The following BASP1 variants were observed in gnomAD, a reference collection of about 807,000 sequenced individuals.
BASP1 encodes brain acid soluble protein 1.
Under a neutral mutation model 2.2 loss-of-function variants are expected in BASP1, and 1 was observed. The observed-to-expected ratio is 0.46, with a 90% CI of 0.16 to 2.17. BASP1 has a LOEUF of 2.17. Ranked by LOEUF, BASP1 falls within the 30% of genes most tolerant of loss-of-function variation. The pLI is 0.27. For missense variants in BASP1, 352 were observed against 327.2 expected (o/e 1.08, Z -0.58); for synonymous variants, 187 against 154.2 (o/e 1.21, Z -1.58).
rs556178730 is a variant in BASP1, at chr5:17,266,402, T to G, written c.-9-8806T>G. ...TGCTCTGTTCTGTCTCCCTCCCTCC[T>G]TATTTCATTCTCACTCTTGCTCTTG... On this transcript the variant is annotated intron_variant, in intron 1 of 1. Coordinates refer to ENST00000322611, the MANE Select transcript of BASP1 (RefSeq NM_006317.5). Among the ~76,000 whole-genome samples, 13 of 152,298 alleles carry G rather than the reference T, an allele frequency of 8.5e-5. No individual in the cohort carries two copies. In the South Asian group the frequency reaches 2.7e-3, roughly 32 times the overall value.
intron 1 of BASP1, among the ~76,000 whole-genome samples, chr5:17,247,637 T>C (rs1287425116): frequency 2.6e-5 from 4 of 152,226 alleles, no homozygotes; most frequent in Non-Finnish European, 5.9e-5. Context: ...ATGTGGCCTA[T>C]AAAGTTCCTG....
At chr5:17,246,790 G>A (rs562599231) in intron 1 of BASP1, among the ~76,000 whole-genome samples, 125 of 152,246 alleles carry the variant, frequency 8.2e-4, no homozygotes, top group Non-Finnish European at 1.5e-3. Flanking sequence ...AAGTCTTTTT[G>A]AAAATAGCAT....
intron 1 of BASP1, among the ~76,000 whole-genome samples, chr5:17,231,530 CA>C (rs1337721034): frequency 6.6e-6 from 1 of 152,206 alleles, no homozygotes; most frequent in Non-Finnish European, 1.5e-5. Context: ...CGTTCCTACA[CA>C]CTCTCTCACC....
chr5:17,255,248 G>A (rs1430812303), intron 1 of BASP1, among the ~76,000 whole-genome samples: 1 of 152,140 alleles, frequency 6.6e-6, no homozygotes, highest in Admixed American at 6.5e-5. Context: ...AGATGTGAGG[G>A]ACAGGTGTAG....
chr5:17,265,271 T>TG (rs1212101452), intron 1 of BASP1, among the ~76,000 whole-genome samples: 2 of 152,154 alleles, frequency 1.3e-5, no homozygotes, highest in Admixed American at 6.5e-5. Flanking sequence ...AATGGTATAT[T>TG]GGGGGGCTTG....
At chr5:17,272,834 T>C (rs2126522083) in intron 1 of BASP1, among the ~76,000 whole-genome samples, 1 of 152,354 alleles carries the variant, frequency 6.6e-6, no homozygotes. Context: ...GCCTTAACTA[T>C]GTGTCAGAAA....
At chr5:17,231,886 T>C (rs1008878183) in intron 1 of BASP1, among the ~76,000 whole-genome samples, 4 of 152,212 alleles carry the variant, frequency 2.6e-5, no homozygotes, top group African/African-American at 9.7e-5. Context: ...TTGAAGGTTG[T>C]CTACAGTACA....
intron 1 of BASP1, among the ~76,000 whole-genome samples, chr5:17,224,454 G>A (rs1739453341): frequency 7.6e-6 from 1 of 131,932 alleles, no homozygotes; most frequent in Non-Finnish European, 1.6e-5. Flanking sequence ...ACTCTTCAGG[G>A]GGGGAAAAAA....
intron 1 of BASP1, among the ~76,000 whole-genome samples, chr5:17,223,901 C>G (rs1739438552): frequency 6.6e-6 from 1 of 152,232 alleles, no homozygotes; most frequent in South Asian, 2.1e-4. Flanking sequence ...TACCTCCACC[C>G]TGCCCCTGCC....
intron 1 of BASP1, among the ~76,000 whole-genome samples, chr5:17,271,029 A>G (rs1423042566): frequency 1.3e-5 from 2 of 152,098 alleles, no homozygotes; most frequent in Admixed American, 6.5e-5. Flanking sequence ...TCTCTCTACT[A>G]CTGTTTATGG....
intron 1 of BASP1, among the ~76,000 whole-genome samples, chr5:17,238,676 C>G (rs1470509501): frequency 6.6e-6 from 1 of 152,200 alleles, no homozygotes; most frequent in African/African-American, 2.4e-5. Flanking sequence ...AGTTTGTCAT[C>G]TTCTTTTCCA....
intron 1 of BASP1, among the ~76,000 whole-genome samples, chr5:17,229,781 TG>T (rs1368338828): frequency 0.016 from 1,944 of 125,022 alleles, 42 homozygotes; most frequent in Middle Eastern, 0.087. Flanking sequence ...TTGGTAGGAT[TG>T]GGTTTTTTTT....
At chr5:17,241,246 T>C (rs1301867606) in intron 1 of BASP1, among the ~76,000 whole-genome samples, 1 of 151,998 alleles carries the variant, frequency 6.6e-6, no homozygotes. Context: ...ATTATAGACA[T>C]GTACCACCAG....
intron 1 of BASP1, among the ~76,000 whole-genome samples, chr5:17,221,227 A>T (rs779413411): frequency 6.6e-6 from 1 of 152,246 alleles, no homozygotes; most frequent in Non-Finnish European, 1.5e-5. Context: ...TACCTGGAGC[A>T]TTAAGCTAAG....
At chr5:17,274,701 G>T (rs1385716228) in intron 1 of BASP1, among the ~76,000 whole-genome samples, 2 of 152,074 alleles carry the variant, frequency 1.3e-5, no homozygotes, top group Non-Finnish European at 2.9e-5. Context: ...TCCCTCAACT[G>T]GCTATGATTA....
chr5:17,266,919 A>C (rs902925223), intron 1 of BASP1, among the ~76,000 whole-genome samples: 2 of 152,130 alleles, frequency 1.3e-5, no homozygotes, highest in Non-Finnish European at 1.5e-5. Context: ...CTCTGTAAAA[A>C]TGGTGATACA....
chr5:17,230,088 TG>T (rs1394026699), intron 1 of BASP1, among the ~76,000 whole-genome samples: 11 of 152,162 alleles, frequency 7.2e-5, no homozygotes, highest in African/African-American at 2.7e-4. Context: ...GGAATGATCC[TG>T]GGGAAGCTCA....
intron 1 of BASP1, among the ~76,000 whole-genome samples, chr5:17,255,741 G>A (rs1298026566): frequency 7.8e-6 from 1 of 128,758 alleles, no homozygotes; most frequent in Non-Finnish European, 1.8e-5. Context: ...ATTTGCTCAT[G>A]TTAAATGCAT....
intron 1 of BASP1, among the ~76,000 whole-genome samples, chr5:17,271,814 C>G (rs1246196889): frequency 6.6e-6 from 1 of 152,060 alleles, no homozygotes; most frequent in African/African-American, 2.4e-5. Context: ...CGCCTGTAAT[C>G]CCAGCATTTC....
Sources: allele counts gnomAD v4.1 joint callset (sites outside exome capture counted in the v4.1 genomes callset), GRCh38; gene constraint gnomAD v4.1.1; transcripts MANE v1.5; gene names NCBI Gene and HGNC (gene_info 2026-07-23, HGNC 2026-07-21).